Variants in KCNH7 observed in about 807,000 individuals in gnomAD.
KCNH7 encodes the protein potassium voltage-gated channel subfamily H member 7.
A neutral mutation model predicts 120.8 loss-of-function variants in KCNH7; 49 were observed. That is an observed-to-expected ratio of 0.41 (90% CI 0.32 to 0.51). The LOEUF (loss-of-function observed/expected upper bound fraction) is 0.51. Ranked by LOEUF, KCNH7 falls within the 20% of genes least tolerant of loss-of-function variation. The pLI is 0.38. For missense variants in KCNH7, 1,097 were observed against 1,446.6 expected (o/e 0.76, Z 3.92); for synonymous variants, 547 against 516.1 (o/e 1.06, Z -0.81).
chr2:162,557,175 C>T (rs905480347), intron 2 of KCNH7, among the ~76,000 whole-genome samples: 1 of 152,162 alleles, frequency 6.6e-6, no homozygotes, highest in Non-Finnish European at 1.5e-5. Flanking sequence ...AAATTCAAGA[C>T]GGTGCACTCA....
intron 2 of KCNH7, among the ~76,000 whole-genome samples, chr2:162,665,519 C>A (rs181876989): frequency 1.3e-5 from 2 of 152,090 alleles, no homozygotes; most frequent in African/African-American, 4.8e-5. Context: ...CCAGAAAAAA[C>A]TAAATTTGTC....
chr2:162,710,460 C>A (rs1686888282), intron 2 of KCNH7, among the ~76,000 whole-genome samples: 1 of 152,140 alleles, frequency 6.6e-6, no homozygotes, highest in Non-Finnish European at 1.5e-5. Flanking sequence ...GTACACTGTG[C>A]AGCAGAATTG....
intron 2 of KCNH7, among the ~76,000 whole-genome samples, chr2:162,600,538 T>G (rs1277902772): frequency 1.3e-5 from 2 of 152,106 alleles, no homozygotes; most frequent in African/African-American, 4.8e-5. Flanking sequence ...TTGGTTTCAG[T>G]GACAAGCCCC....
chr2:162,630,482 GA>G (rs1032733968), intron 2 of KCNH7, among the ~76,000 whole-genome samples: 5 of 151,248 alleles, frequency 3.3e-5, no homozygotes, highest in South Asian at 2.1e-4. Context: ...AAAAGACATG[GA>G]AAAAAAAGAC....
At position 162,613,506 on chromosome 2, in the gene KCNH7, G is replaced by T. The variant is rs557994966; in HGVS notation, c.308-76426C>A. On this transcript the variant is annotated intron_variant, in intron 2 of 15. Transcript: ENST00000332142. Reference sequence around the variant, plus strand: ...ATTATCCCCGAAGCCTGTTGTTGCAGCCTGTTATTTAAGCTTTTCATCAAA... The same window carrying T: ...ATTATCCCCGAAGCCTGTTGTTGCATCCTGTTATTTAAGCTTTTCATCAAA... Among the ~76,000 whole-genome samples, 3 of 152,046 alleles carry T rather than the reference G, an allele frequency of 2.0e-5. No homozygotes were observed. In the South Asian group the frequency reaches 6.2e-4, roughly 32 times the overall value.
intron 2 of KCNH7, among the ~76,000 whole-genome samples, chr2:162,556,521 AC>A: frequency 6.6e-6 from 1 of 152,322 alleles, no homozygotes; most frequent in African/African-American, 2.4e-5. Flanking sequence ...GGAAATGTAT[AC>A]TTCATTTGGG....
At chr2:162,599,037 CT>C (rs1694466831) in intron 2 of KCNH7, among the ~76,000 whole-genome samples, 1 of 151,870 alleles carries the variant, frequency 6.6e-6, no homozygotes, top group Admixed American at 6.6e-5. Flanking sequence ...GGGTGGATCA[CT>C]TGAGGTCAGG....
intron 6 of KCNH7, among the ~76,000 whole-genome samples, chr2:162,473,086 G>A (rs1689616199): frequency 6.6e-6 from 1 of 152,010 alleles, no homozygotes; most frequent in African/African-American, 2.4e-5. Flanking sequence ...TAGGGGGAGA[G>A]GGGAGGGATA....
chr2:162,517,733 C>T lies in KCNH7; in HGVS notation c.889G>A (p.Glu297Lys), dbSNP rs138611881. ...KNIFRDRHAS[E>K]DNGRNVKGPF... is the part of the protein sequence containing the mutation. ...TTTAAAAAAAAATCAAACATACCTTCGCTGGCATGTCGGTCTCTAAATATG... is the reference window on the plus strand; with the variant it reads ...TTTAAAAAAAAATCAAACATACCTTTGCTGGCATGTCGGTCTCTAAATATG... Residue 297 changes from glutamate to lysine, a missense_variant, in exon 4 of 16, where the codon GAA (glutamate) becomes AAA (lysine). By Grantham distance (56) the Glu-to-Lys change is moderately conservative. Coordinates refer to ENST00000332142, the MANE Select transcript of KCNH7 (RefSeq NM_033272.4). 6.4e-6 allele frequency: 10 copies of T among 1,553,422 alleles called. No individual in the cohort carries two copies. The highest frequency in any genetic ancestry group is 1.4e-5 in the African/African-American group (1 of 72,942).
intron 2 of KCNH7, among the ~76,000 whole-genome samples, chr2:162,804,946 C>G (rs929474528): frequency 6.6e-6 from 1 of 151,786 alleles, no homozygotes; most frequent in African/African-American, 2.4e-5. Context: ...AAGCCAAATT[C>G]TTATAACCAA....
intron 6 of KCNH7, among the ~76,000 whole-genome samples, chr2:162,449,999 T>C (rs1040477191): frequency 1.3e-5 from 2 of 152,098 alleles, no homozygotes; most frequent in East Asian, 3.9e-4. Flanking sequence ...CTTAATCTAA[T>C]AGATACAACA....
intron 2 of KCNH7, among the ~76,000 whole-genome samples, chr2:162,580,785 G>A (rs1182975245): frequency 6.6e-6 from 1 of 151,934 alleles, no homozygotes; most frequent in Non-Finnish European, 1.5e-5. Context: ...AAGAGTACTT[G>A]GTTTGGGGTA....
chr2:162,651,980 T>C (rs1348667314), intron 2 of KCNH7, among the ~76,000 whole-genome samples: 2 of 152,314 alleles, frequency 1.3e-5, no homozygotes, highest in Admixed American at 1.3e-4. Context: ...TTTCATATTC[T>C]TCTTGGCCAC....
intron 6 of KCNH7, among the ~76,000 whole-genome samples, chr2:162,460,567 G>A (rs1247069401): frequency 6.6e-6 from 1 of 152,170 alleles, no homozygotes; most frequent in East Asian, 1.9e-4. Context: ...AGGAATTGGA[G>A]TGATGTGTCC....
intron 2 of KCNH7, among the ~76,000 whole-genome samples, 156 bp from the exon 3 acceptor site, chr2:162,537,236 G>A (rs1692140160): frequency 6.6e-6 from 1 of 151,684 alleles, no homozygotes; most frequent in Admixed American, 6.6e-5. Flanking sequence ...ATATTTTATT[G>A]CATACCATAT....
chr2:162,387,691 G>A (rs565005086), intron 12 of KCNH7, among the ~76,000 whole-genome samples: 110 of 151,538 alleles, frequency 7.3e-4, no homozygotes, highest in African/African-American at 2.6e-3. Context: ...GTCTCCTCCC[G>A]CTTTTTTACA....
At chr2:162,822,644 T>C (rs16847390) in intron 2 of KCNH7, among the ~76,000 whole-genome samples, 8,341 of 152,328 alleles carry the variant, frequency 0.055, 311 homozygotes, top group South Asian at 0.11. Flanking sequence ...ATGTGTCTAA[T>C]GTTTCAATTC....
chr2:162,538,637 CTCTT>C (rs1278318874), intron 2 of KCNH7, among the ~76,000 whole-genome samples: 1 of 152,060 alleles, frequency 6.6e-6, no homozygotes, highest in Non-Finnish European at 1.5e-5. Flanking sequence ...CATAAGAAAA[CTCTT>C]TCCTTTCTTC....
chr2:162,452,517 C>T (rs1688807244), intron 6 of KCNH7, among the ~76,000 whole-genome samples: 1 of 151,994 alleles, frequency 6.6e-6, no homozygotes, highest in Admixed American at 6.6e-5. Flanking sequence ...CTGGACACAA[C>T]CCCAATTTTG....
Sources: allele counts gnomAD v4.1 joint callset (sites outside exome capture counted in the v4.1 genomes callset), GRCh38; gene constraint gnomAD v4.1.1; transcripts MANE v1.5; gene names NCBI Gene and HGNC (gene_info 2026-07-23, HGNC 2026-07-21).